The following PAK5 variants were observed in gnomAD, a reference collection of about 807,000 sequenced individuals.
PAK5 encodes serine/threonine-protein kinase PAK 5.
Under a neutral mutation model 65.9 loss-of-function variants are expected in PAK5, and 16 were observed. The ratio of observed to expected loss-of-function variants is 0.24; its 90% CI spans 0.16 to 0.37. PAK5 has a LOEUF of 0.37. Ranked by LOEUF, PAK5 falls within the 10% of genes least tolerant of loss-of-function variation. The pLI is 1.00. For missense variants in PAK5, 785 were observed against 903.9 expected (o/e 0.87, Z 1.69); for synonymous variants, 371 against 354.9 (o/e 1.05, Z -0.51).
intron 3 of PAK5, among the ~76,000 whole-genome samples, chr20:9,629,505 A>C (rs1323195603): frequency 9.3e-6 from 1 of 107,470 alleles, no homozygotes. Context: ...TTTAAAAAAT[A>C]CACACAGGGT....
At chr20:9,559,281 C>T (rs908332726) in intron 6 of PAK5, among the ~76,000 whole-genome samples, 9 of 152,076 alleles carry the variant, frequency 5.9e-5, no homozygotes, top group Non-Finnish European at 1.3e-4. Flanking sequence ...GTGTAAATGA[C>T]CAGAGCCCAA....
At chr20:9,728,248 A>C (rs6108332) in intron 1 of PAK5, among the ~76,000 whole-genome samples, 27,969 of 151,918 alleles carry the variant, frequency 0.18, 2,952 homozygotes, top group East Asian at 0.39. Context: ...CAGACACTGA[A>C]CCTGGTGGTG....
intron 1 of PAK5, among the ~76,000 whole-genome samples, chr20:9,769,531 C>CT (rs1424768565): frequency 3.3e-5 from 5 of 152,208 alleles, no homozygotes; most frequent in Non-Finnish European, 7.4e-5. Flanking sequence ...TTTCCCCCAT[C>CT]TTTTTTACTT....
chr20:9,701,172 C>CTA (rs1412336709), intron 2 of PAK5, among the ~76,000 whole-genome samples: 3 of 152,190 alleles, frequency 2.0e-5, no homozygotes, highest in Non-Finnish European at 4.4e-5. Context: ...ACATTTCTCT[C>CTA]TATATATATA....
At chr20:9,702,063 G>T (rs994235877) in intron 2 of PAK5, among the ~76,000 whole-genome samples, 1 of 152,076 alleles carries the variant, frequency 6.6e-6, no homozygotes, top group Non-Finnish European at 1.5e-5. Flanking sequence ...AAATATCCGA[G>T]CTTCCCTCCA....
In PAK5 at chr20:9,763,372, G is replaced by A. The variant is rs113201542; in HGVS notation, c.-161-51937C>T. 2.5e-4 allele frequency among the ~76,000 whole-genome samples: 38 copies of A among 152,144 alleles called. 1 individual carries two copies. The Middle Eastern group carries it at 0.014, about 54-fold the overall frequency. ...TTTAATGGTGGCAGTGGCTTCACAG[G>A]TGTATACTTATCCCCAAATTCACTG... On this transcript the variant is annotated intron_variant, in intron 1 of 9. Transcript: ENST00000353224.
At chr20:9,744,304 A>G (rs933478492) in intron 1 of PAK5, among the ~76,000 whole-genome samples, 1 of 152,228 alleles carries the variant, frequency 6.6e-6, no homozygotes, top group Non-Finnish European at 1.5e-5. Flanking sequence ...GTCCTGAAAC[A>G]TCAGTTCATT....
At chr20:9,540,274 T>C (rs561754274) in intron 9 of PAK5, among the ~76,000 whole-genome samples, 1 of 152,254 alleles carries the variant, frequency 6.6e-6, no homozygotes, top group South Asian at 2.1e-4. Flanking sequence ...TGTGGCTCAA[T>C]GGATTTTTAC....
At chr20:9,619,984 C>T (rs375555830) in intron 3 of PAK5, among the ~76,000 whole-genome samples, 1 of 152,184 alleles carries the variant, frequency 6.6e-6, no homozygotes, top group East Asian at 1.9e-4. Flanking sequence ...ATCATCTCAG[C>T]CACCTTTTTT....
chr20:9,656,337 C>T (rs944205886), intron 2 of PAK5, among the ~76,000 whole-genome samples: 3 of 152,016 alleles, frequency 2.0e-5, no homozygotes, highest in Admixed American at 6.6e-5. Flanking sequence ...TGGCTTCTAA[C>T]AAGCAGACAG....
At chr20:9,615,221 C>G (rs151114302) in intron 3 of PAK5, among the ~76,000 whole-genome samples, 2 of 152,024 alleles carry the variant, frequency 1.3e-5, no homozygotes, top group Non-Finnish European at 2.9e-5. Context: ...TTTAGGGCAG[C>G]GATTCTTTAT....
chr20:9,793,481 C>A (rs962486605), intron 1 of PAK5, among the ~76,000 whole-genome samples: 3 of 151,932 alleles, frequency 2.0e-5, no homozygotes, highest in Admixed American at 1.3e-4. Flanking sequence ...GAGAAAAAGA[C>A]AAGAATTCAT....
chr20:9,794,876 T>C (rs1310317810), intron 1 of PAK5, among the ~76,000 whole-genome samples: 1 of 152,086 alleles, frequency 6.6e-6, no homozygotes, highest in Non-Finnish European at 1.5e-5. Flanking sequence ...TGAGATCCCC[T>C]GGATGGCTTT....
intron 2 of PAK5, among the ~76,000 whole-genome samples, chr20:9,690,750 C>CTTTTTTTTTTTTTTTTT (rs112955560): frequency 3.8e-5 from 4 of 103,976 alleles, no homozygotes; most frequent in Non-Finnish European, 7.5e-5. Context: ...TTCTTTCTTT[C>CTTTTTTTTTTTTTTTTT]TTTTTTTTTT....
intron 1 of PAK5, among the ~76,000 whole-genome samples, chr20:9,757,997 G>A (rs1301584406): frequency 1.3e-5 from 2 of 152,138 alleles, no homozygotes; most frequent in Non-Finnish European, 2.9e-5. Flanking sequence ...GTTGCTCTTG[G>A]TATATAAATA....
chr20:9,610,291 G>A (rs768802015), intron 3 of PAK5, among the ~76,000 whole-genome samples: 19 of 152,172 alleles, frequency 1.2e-4, no homozygotes, highest in Non-Finnish European at 2.1e-4. Flanking sequence ...GCATCCTCCA[G>A]ATAATCATTA....
intron 5 of PAK5, among the ~76,000 whole-genome samples, chr20:9,565,474 GT>G (rs1241604884): frequency 1.3e-5 from 2 of 152,290 alleles, no homozygotes; most frequent in East Asian, 3.9e-4. Context: ...TCATAGTAGT[GT>G]AAAATATATA....
intron 2 of PAK5, among the ~76,000 whole-genome samples, chr20:9,647,295 T>C (rs915312810): frequency 4.6e-5 from 7 of 152,246 alleles, no homozygotes; most frequent in African/African-American, 1.2e-4. Flanking sequence ...CTCTAAATTA[T>C]TTAGTGAGCA....
intron 1 of PAK5, among the ~76,000 whole-genome samples, chr20:9,746,903 T>A (rs2048514790): frequency 6.6e-6 from 1 of 152,146 alleles, no homozygotes; most frequent in African/African-American, 2.4e-5. Context: ...GGAGCTGGTT[T>A]TTTGAAAGGA....
Sources: gnomAD v4.1 joint callset for allele counts (sites outside exome capture counted in the v4.1 genomes callset) on GRCh38, gnomAD v4.1.1 for gene constraint, MANE v1.5 for transcripts, NCBI Gene and HGNC (gene_info 2026-07-23, HGNC 2026-07-21) for gene names.